The following PCDHGB6 variants were observed in gnomAD, a reference collection of about 807,000 sequenced individuals.
PCDHGB6 encodes protocadherin gamma-B6.
PCDHGB6 carries 51 observed loss-of-function variants against 59.1 expected under a neutral mutation model. The observed-to-expected ratio is 0.86, with a 90% CI of 0.69 to 1.09. The LOEUF (loss-of-function observed/expected upper bound fraction) is 1.09, where lower values mean the gene tolerates loss of function less well. PCDHGB6 is among the 50% of genes least tolerant of loss of function. PCDHGB6 has a pLI of 0.00. For synonymous variants in PCDHGB6, 466 were observed against 495.1 expected, an observed-to-expected ratio of 0.94 and a Z score of 0.78; for missense variants, 1,148 against 1,205.1, an observed-to-expected ratio of 0.95 and a Z score of 0.70.
rs566635689 is a variant in PCDHGB6, at chr5:141,469,738, C to G, written c.2419-25069C>G. ...AGGAATTTATCATAAATACACACCT[C>G]AAAAATTACAAAAATACATATATAC... is the stretch of plus-strand genomic sequence containing the variant. On this transcript the variant is annotated intron_variant, in intron 1 of 3. Transcript: ENST00000520790. 6.7e-4 allele frequency among the ~76,000 whole-genome samples: 102 copies of G among 152,292 alleles called. 2 individuals are homozygous for G. Among genetic ancestry groups the G allele is most frequent in the African/African-American group, 2.4e-3 (99 of 41,552 alleles).
chr5:141,465,689 C>A (rs2099107540), intron 1 of PCDHGB6, among the ~76,000 whole-genome samples: 1 of 152,162 alleles, frequency 6.6e-6, no homozygotes, highest in African/African-American at 2.4e-5. Context: ...GACCAGTCTG[C>A]TTTTGCATTG....
In PCDHGB6 at chr5:141,489,126, T is replaced by C; in HGVS notation, c.2419-5681T>C. ...TGCAAGCAGGCAAACCTCCGAGCAG[T>C]TTTTAAGAGGCTGGAAGGAGACATA... On this transcript the variant is annotated intron_variant, in intron 1 of 3. Coordinates refer to ENST00000520790, the MANE Select transcript of PCDHGB6 (RefSeq NM_018926.3). This position sits in a 1 kb window ranked among gnomAD's most constrained non-coding sequence, Gnocchi z 4.5. 1.7e-6 allele frequency: 1 copy of C among 585,136 alleles called. No individual in the cohort carries two copies. Among genetic ancestry groups the C allele is most frequent in the South Asian group, 3.2e-5 (1 of 31,406 alleles). The allele number at this position is 585,136 out of a possible 1,614,324, so 36.2% of individuals were successfully genotyped here. A position where few individuals can be genotyped will look rare whatever the true frequency, so the allele number is the denominator to read the frequency against.
rs73794918 is a variant in PCDHGB6, at chr5:141,443,711, A to G, written c.2418+33091A>G. On this transcript the variant is annotated intron_variant, in intron 1 of 3. Coordinates refer to ENST00000520790, the MANE Select transcript of PCDHGB6 (RefSeq NM_018926.3). ...TCAAAAATTATAGAATAACATTTGC[A>G]TATAAAATTCCTCATACATTTCCCT... 9.8e-3 allele frequency among the ~76,000 whole-genome samples: 1,497 copies of G among 152,340 alleles called. 25 individuals are homozygous for G. Among genetic ancestry groups the G allele is most frequent in the African/African-American group, 0.033 (1,382 of 41,580 alleles).
intron 1 of PCDHGB6, among the ~76,000 whole-genome samples, chr5:141,492,356 G>A (rs2099739649): frequency 6.6e-6 from 1 of 152,198 alleles, no homozygotes; most frequent in Non-Finnish European, 1.5e-5. Context: ...ACTGCCACTC[G>A]CTCGCGGCCA....
chr5:141,466,518 T>C (rs1430823209), intron 1 of PCDHGB6, among the ~76,000 whole-genome samples: 2 of 152,222 alleles, frequency 1.3e-5, no homozygotes, highest in Admixed American at 6.5e-5. Flanking sequence ...TCATTTTTTT[T>C]CCTCCCAAAT....
chr5:141,495,973 A>C (rs2099764953), intron 2 of PCDHGB6, among the ~76,000 whole-genome samples: 1 of 146,988 alleles, frequency 6.8e-6, no homozygotes, highest in African/African-American at 2.5e-5. Context: ...TTTCTCTGTT[A>C]CTCTTTCTTT....
intron 3 of PCDHGB6, among the ~76,000 whole-genome samples, chr5:141,508,855 C>T (rs2099872444): frequency 6.6e-6 from 1 of 152,020 alleles, no homozygotes; most frequent in Non-Finnish European, 1.5e-5. Flanking sequence ...CATTCCCAGG[C>T]TGGGAAAGGC....
Position 141,410,201 on chromosome 5 carries a change from A to G in PCDHGB6, c.1999A>G (p.Asn667Asp). ...TATLHLVFAD[N>D]LQEILPDLSD... ...CACGCTTCATCTGGTCTTCGCAGAC[A>G]ACTTGCAAGAGATACTGCCAGACCT... is the stretch of plus-strand genomic sequence containing the variant. The change falls in exon 1 of 4, where the codon AAC (asparagine) becomes GAC (aspartate). Residue 667 changes from asparagine to aspartate, a missense_variant. Coordinates refer to ENST00000520790, the MANE Select transcript of PCDHGB6 (RefSeq NM_018926.3). The G allele has an allele frequency of 1.9e-6, 3 of 1,613,988 alleles. No homozygotes were observed. Among genetic ancestry groups the G allele is most frequent in the Non-Finnish European group, 2.5e-6 (3 of 1,179,864 alleles).
chr5:141,477,087 C>A lies in PCDHGB6; in HGVS notation c.2419-17720C>A, dbSNP rs748424193. 14 of 1,614,244 alleles carry A rather than the reference C, an allele frequency of 8.7e-6. No individual in the cohort carries two copies. Among genetic ancestry groups the A allele is most frequent in the Non-Finnish European group, 8.5e-7 (1 of 1,180,048 alleles). On this transcript the variant is annotated intron_variant, in intron 1 of 3. Transcript: ENST00000520790. This position sits in a 1 kb window ranked among gnomAD's most constrained non-coding sequence, Gnocchi z 4.9. ...AAACTCCATGAGATTTACATCCAGG[C>A]CAAAGACAAGGGCGCCAATCCCGAA...
At position 141,409,906 on chromosome 5, in the gene PCDHGB6, T is replaced by C. The variant is rs779572711; in HGVS notation, c.1704T>C (p.Gly568=). Reference sequence around the variant, plus strand: ...CGCGGGTGCTGTACCCAGCTCTGGGTCCTGACGGCTCCGCGTTCTTCGATA... The same window carrying C: ...CGCGGGTGCTGTACCCAGCTCTGGGCCCTGACGGCTCCGCGTTCTTCGATA... The part of the protein sequence containing the change: ...NAPRVLYPAL[G]PDGSAFFDMV... The change falls in exon 1 of 4, where the codon GGT becomes GGC. Residue 568 remains glycine (G), a synonymous_variant. Transcript: ENST00000520790. 6 of 1,613,214 alleles carry C rather than the reference T, an allele frequency of 3.7e-6. No homozygotes were observed. The South Asian group carries it at 6.6e-5, about 18-fold the overall frequency.
Position 141,477,934 on chromosome 5 carries a change from C to T in PCDHGB6, c.2419-16873C>T. Reference sequence around the variant, plus strand: ...CGGATGCAGGGCACAATGCCTGGCTCTCCTACAGTCTCTTGGGATCCCCTA... The same window carrying T: ...CGGATGCAGGGCACAATGCCTGGCTTTCCTACAGTCTCTTGGGATCCCCTA... On this transcript the variant is annotated intron_variant, in intron 1 of 3. Coordinates refer to ENST00000520790, the MANE Select transcript of PCDHGB6 (RefSeq NM_018926.3). This position sits in a 1 kb window ranked among gnomAD's most constrained non-coding sequence, Gnocchi z 4.9. 3.1e-6 allele frequency: 5 copies of T among 1,614,204 alleles called. No individual in the cohort carries two copies. The highest frequency in any genetic ancestry group is 4.2e-6 in the Non-Finnish European group (5 of 1,180,036).
At chr5:141,445,257 A>G (rs1253126709) in intron 1 of PCDHGB6, among the ~76,000 whole-genome samples, 3 of 152,152 alleles carry the variant, frequency 2.0e-5, no homozygotes, top group African/African-American at 2.4e-5. Context: ...GTGTGAGAAT[A>G]TAAGTCGAAA....
chr5:141,427,547 T>C (rs747558888), intron 1 of PCDHGB6: 1 of 640,310 alleles, frequency 1.6e-6, no homozygotes, highest in South Asian at 1.5e-5. Flanking sequence ...TCACCATCAC[T>C]GCCACTGACA....
At chr5:141,456,336 G>A (rs2098850873) in intron 1 of PCDHGB6, among the ~76,000 whole-genome samples, 1 of 152,242 alleles carries the variant, frequency 6.6e-6, no homozygotes, top group Non-Finnish European at 1.5e-5. Context: ...TGATCTAAGG[G>A]TCCTCGGAAG....
At chr5:141,436,074 G>A (rs1048063491) in intron 1 of PCDHGB6, among the ~76,000 whole-genome samples, 3 of 152,058 alleles carry the variant, frequency 2.0e-5, no homozygotes, top group Non-Finnish European at 4.4e-5. Context: ...TAAGTACAGT[G>A]TTCTATAGGT....
In PCDHGB6 at chr5:141,460,961, A is replaced by ATATGTGTGTG. The variant is rs1463306338; in HGVS notation, c.2419-33845_2419-33844insATGTGTGTGT. On this transcript the variant is annotated intron_variant, in intron 1 of 3. Coordinates refer to ENST00000520790, the MANE Select transcript of PCDHGB6 (RefSeq NM_018926.3). ...ATATATATGTATTATGTATATATAT[A>ATATGTGTGTG]TGTGTGTGTGTGTGTGTGTGTGTAT... Among the ~76,000 whole-genome samples the ATATGTGTGTG allele has an allele frequency of 1.3e-3, 194 of 144,616 alleles. 1 individual carries two copies. The highest frequency in any genetic ancestry group is 4.7e-3 in the African/African-American group (182 of 38,716). 94.9% of individuals were successfully genotyped at this position (144,616 alleles called of 152,430 possible). A position where few individuals can be genotyped will look rare whatever the true frequency, so the allele number is the denominator to read the frequency against.
At chr5:141,422,394 C>T (rs898242724) in intron 1 of PCDHGB6, 1 of 1,595,520 alleles carries the variant, frequency 6.3e-7, no homozygotes, top group Non-Finnish European at 8.5e-7. Context: ...TTATTCCTAA[C>T]CACCTGCCTT....
At chr5:141,470,022 G>C (rs892106953) in intron 1 of PCDHGB6, among the ~76,000 whole-genome samples, 2 of 152,070 alleles carry the variant, frequency 1.3e-5, no homozygotes, top group African/African-American at 4.8e-5. Context: ...CCAGCTACTC[G>C]GGATGCTGAG....
In PCDHGB6 at chr5:141,415,292, G is replaced by T. The variant is rs778092218; in HGVS notation, c.2418+4672G>T. The T allele has an allele frequency of 1.7e-5, 28 of 1,614,082 alleles. No individual in the cohort carries two copies. Among genetic ancestry groups the T allele is most frequent in the Non-Finnish European group, 2.3e-5 (27 of 1,180,046 alleles). Reference sequence around the variant, plus strand: ...GTGGTAGCGGTGGCCGCGGTCTCCTGCGTCTTCCTGGCCTTCGTCATCGTG... The same window carrying T: ...GTGGTAGCGGTGGCCGCGGTCTCCTTCGTCTTCCTGGCCTTCGTCATCGTG... On this transcript the variant is annotated intron_variant, in intron 1 of 3. Coordinates refer to ENST00000520790, the MANE Select transcript of PCDHGB6 (RefSeq NM_018926.3).
Sources: gnomAD v4.1 joint callset for allele counts (sites outside exome capture counted in the v4.1 genomes callset) on GRCh38, gnomAD v4.1.1 for gene constraint, Gnocchi (gnomAD v3.1) non-coding constraint, MANE v1.5 for transcripts, NCBI Gene and HGNC (gene_info 2026-07-23, HGNC 2026-07-21) for gene names.